Variants in PCNX1 observed in about 807,000 individuals in gnomAD.
PCNX1 encodes pecanex-like protein 1.
PCNX1 carries 78 observed loss-of-function variants against 242.2 expected under a neutral mutation model. The ratio of observed to expected loss-of-function variants is 0.32; its 90% CI spans 0.27 to 0.39. The LOEUF is 0.39. PCNX1 is among the 10% of genes least tolerant of loss of function. The pLI is 1.00. For missense variants in PCNX1, 2,581 were observed against 2,856.5 expected, an observed-to-expected ratio of 0.90 and a Z score of 2.20; for synonymous variants, 1,024 against 1,032.9, an observed-to-expected ratio of 0.99 and a Z score of 0.17.
intron 7 of PCNX1, among the ~76,000 whole-genome samples, chr14:70,994,411 A>G (rs927401309): frequency 1.7e-5 from 2 of 115,802 alleles, no homozygotes; most frequent in East Asian, 4.4e-4. Flanking sequence ...ATATATATAT[A>G]TATATATATA....
chr14:70,942,427 C>T (rs890979919), intron 1 of PCNX1, among the ~76,000 whole-genome samples: 3 of 152,122 alleles, frequency 2.0e-5, no homozygotes, highest in Non-Finnish European at 2.9e-5. Flanking sequence ...ATAGAAAAAA[C>T]AAACTCTTCT....
intron 1 of PCNX1, among the ~76,000 whole-genome samples, chr14:70,932,210 T>G (rs1334320647): frequency 6.6e-6 from 1 of 152,232 alleles, no homozygotes; most frequent in Non-Finnish European, 1.5e-5. Flanking sequence ...TTCAACTTTT[T>G]CTAATAGCTG....
chr14:70,914,175 C>G (rs948818821), intron 1 of PCNX1, among the ~76,000 whole-genome samples: 1 of 152,070 alleles, frequency 6.6e-6, no homozygotes, highest in Non-Finnish European at 1.5e-5. Context: ...ACAATAAATA[C>G]TGGGGATTCC....
At chr14:70,962,847 T>C (rs1211636023) in intron 3 of PCNX1, among the ~76,000 whole-genome samples, 1 of 152,204 alleles carries the variant, frequency 6.6e-6, no homozygotes, top group Non-Finnish European at 1.5e-5. Flanking sequence ...CCTTTGCTGC[T>C]CTAGTCCTCT....
At chr14:70,972,971 G>T (rs920507129) in intron 5 of PCNX1, among the ~76,000 whole-genome samples, 7 of 152,158 alleles carry the variant, frequency 4.6e-5, no homozygotes, top group Admixed American at 4.6e-4. Context: ...AAAAGTTCTA[G>T]CTGGGTGCGG....
At chr14:70,959,706 T>C (rs1380826788) in intron 2 of PCNX1, among the ~76,000 whole-genome samples, 2 of 150,938 alleles carry the variant, frequency 1.3e-5, no homozygotes, top group Non-Finnish European at 3.0e-5. Context: ...GCATGTGTCT[T>C]TATAGCAGCA....
intron 1 of PCNX1, among the ~76,000 whole-genome samples, chr14:70,923,256 T>C (rs146685855): frequency 1.8e-4 from 28 of 152,276 alleles, no homozygotes; most frequent in Non-Finnish European, 3.4e-4. Context: ...AACCTTAAAA[T>C]ATATAGTATT....
intron 1 of PCNX1, among the ~76,000 whole-genome samples, chr14:70,937,726 G>A (rs1444079476): frequency 3.9e-5 from 6 of 152,200 alleles, no homozygotes; most frequent in Non-Finnish European, 8.8e-5. Context: ...ACCTTGGGCA[G>A]TATGTCCATT....
chr14:70,969,465 G>A (rs2058476209), intron 5 of PCNX1, among the ~76,000 whole-genome samples: 1 of 152,178 alleles, frequency 6.6e-6, no homozygotes, highest in Non-Finnish European at 1.5e-5. Context: ...TTTCCATTCA[G>A]TACGATCTCT....
chr14:71,026,020 A>C (rs745912745), intron 13 of PCNX1, 97 bp from the exon 14 acceptor site: 55 of 644,874 alleles, frequency 8.5e-5, no homozygotes, highest in Non-Finnish European at 1.3e-4. Flanking sequence ...CATATGGAAA[A>C]AGTTTGAATC....
intron 1 of PCNX1, among the ~76,000 whole-genome samples, chr14:70,930,969 C>T (rs2056775133): frequency 1.3e-5 from 2 of 152,066 alleles, no homozygotes; most frequent in Non-Finnish European, 2.9e-5. Flanking sequence ...TTTTCTGAGT[C>T]CTTTGGGGGG....
intron 30 of PCNX1, among the ~76,000 whole-genome samples, chr14:71,101,735 A>T (rs1202929530): frequency 6.6e-6 from 1 of 152,224 alleles, no homozygotes; most frequent in African/African-American, 2.4e-5. Context: ...AACACATAAA[A>T]ACCAGAAATG....
intron 8 of PCNX1, among the ~76,000 whole-genome samples, chr14:71,005,800 T>C (rs1254319716): frequency 3.3e-5 from 5 of 152,190 alleles, no homozygotes; most frequent in African/African-American, 9.7e-5. Context: ...CATTGACCTA[T>C]AGTTGTTACT....
At chr14:70,979,689 T>G (rs1388157874) in intron 6 of PCNX1, among the ~76,000 whole-genome samples, 1 of 152,126 alleles carries the variant, frequency 6.6e-6, no homozygotes, top group African/African-American at 2.4e-5. Context: ...ATGAAACATA[T>G]GAATATATGC....
intron 8 of PCNX1, among the ~76,000 whole-genome samples, chr14:70,998,118 G>A (rs1280917096): frequency 6.6e-6 from 1 of 151,784 alleles, no homozygotes; most frequent in Non-Finnish European, 1.5e-5. Context: ...TACGTATGCT[G>A]TTTTGCATTA....
chr14:70,968,022 C>T (rs1274850368), intron 3 of PCNX1, among the ~76,000 whole-genome samples, 176 bp from the exon 4 acceptor site: 1 of 152,090 alleles, frequency 6.6e-6, no homozygotes, highest in Non-Finnish European at 1.5e-5. Context: ...GTGCCGCAGC[C>T]AACAGGTTGC....
intron 16 of PCNX1, 58 bp downstream of exon 16, chr14:71,028,849 G>GA: frequency 2.0e-6 from 2 of 1,024,140 alleles, no homozygotes; most frequent in Non-Finnish European, 2.9e-6. Flanking sequence ...TATGAAGGTT[G>GA]TTTTAAAATC....
chr14:71,074,681 C>T (rs536388491), intron 27 of PCNX1, among the ~76,000 whole-genome samples: 6 of 152,226 alleles, frequency 3.9e-5, no homozygotes, highest in East Asian at 1.9e-4. Flanking sequence ...GTCTCCAGGA[C>T]GTCCAGAGGT....
chr14:71,067,761 C>G (rs1421976654), intron 26 of PCNX1, among the ~76,000 whole-genome samples: 2 of 152,098 alleles, frequency 1.3e-5, no homozygotes, highest in Non-Finnish European at 2.9e-5. Flanking sequence ...AAATTTCTCT[C>G]TAAACACTGC....
Sources: gnomAD v4.1 joint callset for allele counts (sites outside exome capture counted in the v4.1 genomes callset) on GRCh38, gnomAD v4.1.1 for gene constraint, MANE v1.5 for transcripts, NCBI Gene and HGNC (gene_info 2026-07-23, HGNC 2026-07-21) for gene names.